PRICKLE2: variants seen among roughly 807,000 people sequenced by gnomAD.
PRICKLE2 encodes prickle-like protein 2.
PRICKLE2 carries 21 observed loss-of-function variants against 81.4 expected under a neutral mutation model. The observed-to-expected ratio is 0.26, with a 90% CI of 0.18 to 0.37. PRICKLE2 has a LOEUF of 0.37. Among genes scored for constraint, PRICKLE2 ranks in the 10% least tolerant of loss-of-function variants. The pLI, the probability that PRICKLE2 is intolerant of heterozygous loss-of-function variation, is 1.00. For synonymous variants in PRICKLE2, 456 were observed against 421.5 expected, an observed-to-expected ratio of 1.08 and a Z score of -1.00; for missense variants, 940 against 1,109.0, an observed-to-expected ratio of 0.85 and a Z score of 2.16.
chr3:64,129,531 T>A (rs2106983278), intron 7 of PRICKLE2, among the ~76,000 whole-genome samples: 1 of 151,812 alleles, frequency 6.6e-6, no homozygotes, highest in South Asian at 2.1e-4. Flanking sequence ...GGGAGTCTCA[T>A]GTTTAGTTAA....
intron 1 of PRICKLE2, among the ~76,000 whole-genome samples, chr3:64,201,407 T>G (rs1388016420): frequency 6.6e-6 from 1 of 152,232 alleles, no homozygotes; most frequent in Non-Finnish European, 1.5e-5. Flanking sequence ...TCACATTTGT[T>G]ATTGTCTGTC....
At chr3:64,227,108 C>A (rs1433357297), upstream of PRICKLE2, among the ~76,000 whole-genome samples, 1 of 152,234 alleles carries the variant, frequency 6.6e-6, no homozygotes, top group African/African-American at 2.4e-5. Context: ...TGCTTAATAA[C>A]TTCTTTCAGA....
intron 7 of PRICKLE2, among the ~76,000 whole-genome samples, chr3:64,135,520 T>C (rs1005871748): frequency 2.0e-5 from 3 of 152,146 alleles, no homozygotes; most frequent in African/African-American, 7.2e-5. Flanking sequence ...ACGTGTTTTC[T>C]TAGTGACTTT....
intron 2 of PRICKLE2, among the ~76,000 whole-genome samples, chr3:64,195,323 C>T (rs1032125585): frequency 6.6e-5 from 10 of 152,218 alleles, no homozygotes; most frequent in African/African-American, 2.2e-4. Context: ...TGTCCGTATT[C>T]GAGAACACTT....
chr3:64,248,580 C>T (rs1228891278), intron 2 of PRICKLE2, among the ~76,000 whole-genome samples: 1 of 151,862 alleles, frequency 6.6e-6, no homozygotes, highest in Non-Finnish European at 1.5e-5. Context: ...AGAGGTGAAG[C>T]CATTAAGACA....
chr3:64,147,831 C>T lies in PRICKLE2; in HGVS notation c.788-129G>A, dbSNP rs2077482832. On this transcript the variant is annotated intron_variant, in intron 6 of 7. Coordinates refer to ENST00000638394, the MANE Select transcript of PRICKLE2 (RefSeq NM_198859.4). The surrounding 1 kb of genome is among the most constrained non-coding windows in gnomAD (Gnocchi z 5.0). ...GCAGGATAAACTGTCAATAAATCAA[C>T]AATCAGACCCTTATGTAAATGGTAT... The T allele has an allele frequency of 7.5e-6, 7 of 937,698 alleles. No homozygotes were observed. The Admixed American group carries it at 1.2e-4, about 16-fold the overall frequency. 58.1% of individuals were successfully genotyped at this position (937,698 alleles called of 1,614,324 possible).
At chr3:64,226,326 C>T (rs892046983), upstream of PRICKLE2, among the ~76,000 whole-genome samples, 4 of 152,152 alleles carry the variant, frequency 2.6e-5, no homozygotes, top group Non-Finnish European at 4.4e-5. Flanking sequence ...GGCGGCCTAA[C>T]CAAGCAATCT....
intron 2 of PRICKLE2, among the ~76,000 whole-genome samples, chr3:64,243,268 C>A (rs973158741): frequency 6.6e-6 from 1 of 152,182 alleles, no homozygotes; most frequent in Non-Finnish European, 1.5e-5. Context: ...ACATTATAGA[C>A]AATTCATGCC....
rs1285109792 is a variant in PRICKLE2 at position 64,159,952 on chromosome 3, A to G, written c.384T>C (p.Ala128=). The G allele has an allele frequency of 6.8e-6, 11 of 1,614,162 alleles. No individual in the cohort carries two copies. In the South Asian group the frequency reaches 1.2e-4, roughly 18 times the overall value. The change falls in exon 4 of 8, where the codon GCT becomes GCC. Residue 128 remains alanine, a synonymous_variant. Transcript: ENST00000638394. ...VRPFPVTMTG[A]ICEQCGGQIN... ...AATCCATGCTTACCTGTTCACAAATAGCTCCTGTCATGGTGACTGGGAAAG... is the reference window on the plus strand; with the variant it reads ...AATCCATGCTTACCTGTTCACAAATGGCTCCTGTCATGGTGACTGGGAAAG...
chr3:64,175,207 T>G (rs1380889124), intron 2 of PRICKLE2: 3 of 164,104 alleles, frequency 1.8e-5, no homozygotes, highest in African/African-American at 7.2e-5. Flanking sequence ...AGTTGAAACC[T>G]GCTTTTAGCA....
chr3:64,195,398 AAAT>A (rs1247226346), intron 2 of PRICKLE2, among the ~76,000 whole-genome samples: 3 of 152,240 alleles, frequency 2.0e-5, no homozygotes, highest in African/African-American at 7.2e-5. Flanking sequence ...AGGAGAAATA[AAAT>A]AATAAAGAGT....
At chr3:64,209,721 C>T (rs1341048956) in intron 1 of PRICKLE2, among the ~76,000 whole-genome samples, 3 of 152,214 alleles carry the variant, frequency 2.0e-5, no homozygotes, top group African/African-American at 7.2e-5. Context: ...TTAAGACAGA[C>T]AACATGCCTG....
intron 2 of PRICKLE2, among the ~76,000 whole-genome samples, chr3:64,195,273 A>T (rs2078429758): frequency 1.3e-5 from 2 of 152,186 alleles, no homozygotes; most frequent in South Asian, 4.1e-4. Context: ...TATTTTTAAA[A>T]GGCTGGGTTT....
chr3:64,150,036 G>T (rs948112115), intron 6 of PRICKLE2, among the ~76,000 whole-genome samples: 1 of 142,986 alleles, frequency 7.0e-6, no homozygotes, highest in African/African-American at 2.6e-5. Context: ...CTCCCCAGCA[G>T]AGTGAGAAAT....
At chr3:64,170,504 C>T (rs933229698) in intron 2 of PRICKLE2, among the ~76,000 whole-genome samples, 4 of 152,106 alleles carry the variant, frequency 2.6e-5, no homozygotes, top group Admixed American at 6.6e-5. Context: ...AGTCGAGTCT[C>T]TATTCAGCAG....
chr3:64,262,499 G>A (rs2079630499), intron 2 of PRICKLE2, among the ~76,000 whole-genome samples: 1 of 152,062 alleles, frequency 6.6e-6, no homozygotes, highest in African/African-American at 2.4e-5. Flanking sequence ...GTCCAGGCTG[G>A]AGATGTGACT....
intron 7 of PRICKLE2, among the ~76,000 whole-genome samples, chr3:64,128,264 AAGC>A: frequency 6.6e-6 from 1 of 152,202 alleles, no homozygotes; most frequent in Non-Finnish European, 1.5e-5. Flanking sequence ...GGAGCTGGGA[AAGC>A]ATAGCAACTG....
In PRICKLE2 at chr3:64,157,237, A is replaced by C. The variant is rs2077650372; in HGVS notation, c.525T>G (p.Phe175Leu). Residue 175 changes from phenylalanine (F) to leucine (L), a missense_variant, in exon 5 of 8, where the codon TTT becomes TTG. Coordinates refer to ENST00000638394, the MANE Select transcript of PRICKLE2 (RefSeq NM_198859.4). Reference sequence around the variant, plus strand: ...CACAGTATATCTTCCCATCTTGGTAAAAGTAGATCAGATCCACCAGGAGCT... The same window carrying C: ...CACAGTATATCTTCCCATCTTGGTACAAGTAGATCAGATCCACCAGGAGCT... The part of the protein sequence containing the change: ...CNELLVDLIY[F>L]YQDGKIYCGR... 6.2e-7 allele frequency: 1 copy of C among 1,614,070 alleles called. No homozygotes were observed. Among genetic ancestry groups the C allele is most frequent in the African/African-American group, 1.3e-5 (1 of 74,934 alleles).
intron 2 of PRICKLE2, among the ~76,000 whole-genome samples, chr3:64,257,023 G>A (rs939147483): frequency 1.3e-5 from 2 of 152,124 alleles, no homozygotes; most frequent in Non-Finnish European, 2.9e-5. Flanking sequence ...TGTATAAGTT[G>A]CCAACCTGGT....
Sources: allele counts gnomAD v4.1 joint callset (sites outside exome capture counted in the v4.1 genomes callset), GRCh38; gene constraint gnomAD v4.1.1; non-coding constraint Gnocchi (gnomAD v3.1); transcripts MANE v1.5; gene names NCBI Gene and HGNC (gene_info 2026-07-23, HGNC 2026-07-21).